The following UBE2L6 variants were observed in gnomAD, a reference collection of about 807,000 sequenced individuals.
UBE2L6 encodes ubiquitin conjugating enzyme E2 L6.
In UBE2L6, 11 loss-of-function variants were observed where a neutral mutation model predicts 13.6. The ratio of observed to expected loss-of-function variants is 0.81; its 90% CI spans 0.51 to 1.34. The LOEUF is 1.34. Among genes scored for constraint, UBE2L6 ranks in the 40% most tolerant of loss-of-function variants. The probability of loss-of-function intolerance (pLI) is 0.00; values close to 1 mark genes in which losing one functional copy is unlikely to be tolerated. For synonymous variants in UBE2L6, 74 were observed against 83.2 expected (o/e 0.89, Z 0.60); for missense variants, 197 against 199.5 (o/e 0.99, Z 0.07).
intron 3 of UBE2L6, among the ~76,000 whole-genome samples, chr11:57,553,001 C>G (rs1454004570): frequency 6.6e-6 from 1 of 152,140 alleles, no homozygotes; most frequent in Non-Finnish European, 1.5e-5. Flanking sequence ...ACAGACAGTT[C>G]CCAGACCCCC....
In UBE2L6 at chr11:57,558,239, C is replaced by T. The variant is rs939801698; in HGVS notation, c.123+2098G>A. Reference sequence around the variant, plus strand: ...GATTATAGGTGCCCACAACCATGCCCAGCTAATTTTTGTATTTTTACTAGA... The same window carrying T: ...GATTATAGGTGCCCACAACCATGCCTAGCTAATTTTTGTATTTTTACTAGA... On this transcript the variant is annotated intron_variant, in intron 2 of 3. Transcript: ENST00000287156. 3.3e-5 allele frequency among the ~76,000 whole-genome samples: 5 copies of T among 152,028 alleles called. No homozygotes were observed. The East Asian group carries it at 9.6e-4, about 29-fold the overall frequency.
rs1038548385 is a variant in UBE2L6, at chr11:57,552,577, AT to A, written c.311-69del. The A allele has an allele frequency of 1.3e-5, 21 of 1,577,610 alleles. No individual in the cohort carries two copies. The African/African-American group carries it at 2.8e-4, about 21-fold the overall frequency. ...AGGGAGTCATGGCTGCCCGTTCCCA[AT>A]GTCCTGACACTCCACACTCACTCCT... On this transcript the variant is annotated intron_variant, in intron 3 of 3. Transcript: ENST00000287156.
chr11:57,555,608 G>A (rs185648353), intron 2 of UBE2L6, among the ~76,000 whole-genome samples: 8 of 152,220 alleles, frequency 5.3e-5, no homozygotes, highest in East Asian at 1.9e-4. Context: ...GCAGGGTCTC[G>A]CTCTGTCACC....
intron 1 of UBE2L6, chr11:57,567,308 G>C: frequency 3.6e-6 from 2 of 561,346 alleles, no homozygotes; most frequent in Non-Finnish European, 6.4e-6. Context: ...TTTCAGGCAG[G>C]AAAAGCGAAA....
chr11:57,554,246 A>G (rs1944980355), intron 3 of UBE2L6, among the ~76,000 whole-genome samples, 191 bp downstream of exon 3: 2 of 152,316 alleles, frequency 1.3e-5, no homozygotes, highest in Admixed American at 6.5e-5. Flanking sequence ...CTGCACAGGT[A>G]TAAGAAGAGA....
chr11:57,567,312 A>G lies in UBE2L6; in HGVS notation c.27+273T>C, dbSNP rs964377953. The G allele has an allele frequency of 5.3e-6, 3 of 564,950 alleles. No individual in the cohort carries two copies. The African/African-American group carries it at 5.6e-5, about 11-fold the overall frequency. 35.0% of individuals were successfully genotyped at this position (564,950 alleles called of 1,614,324 possible). On this transcript the variant is annotated intron_variant, in intron 1 of 3. Transcript: ENST00000287156. ...GTTATCACAAGTTTCAGGCAGGAAA[A>G]GCGAAATTGAAACCAGTTTTGGGGG...
intron 1 of UBE2L6, among the ~76,000 whole-genome samples, chr11:57,560,699 C>A (rs1945036819): frequency 6.6e-6 from 1 of 150,964 alleles, no homozygotes; most frequent in African/African-American, 2.4e-5. Flanking sequence ...CGGCTCCCTG[C>A]AAGCTCCGCC....
chr11:57,554,452 T>G lies in UBE2L6; in HGVS notation c.295A>C (p.Thr99Pro), dbSNP rs1944982083. The G allele has an allele frequency of 6.2e-7, 1 of 1,613,904 alleles. No individual in the cohort carries two copies. The highest frequency in any genetic ancestry group is 8.5e-7 in the Non-Finnish European group (1 of 1,179,892). ...IISSENWKPCTKTCQVLEALN... is the reference protein window; with the variant it reads ...IISSENWKPCPKTCQVLEALN... ...CCAACCCCACCTTGGCAAGTCTTGG[T>G]GCAAGGCTTCCAGTTCTCACTGCTG... Residue 99 changes from threonine (T) to proline (P), a missense_variant, in exon 3 of 4, where the codon ACC becomes CCC. Transcript: ENST00000287156.
chr11:57,557,177 G>A (rs1345612816), intron 2 of UBE2L6, among the ~76,000 whole-genome samples: 9 of 152,062 alleles, frequency 5.9e-5, no homozygotes, highest in African/African-American at 9.7e-5. Flanking sequence ...GAATGGCTCC[G>A]TGGAATGGCT....
At chr11:57,561,614 A>G (rs1173309897) in intron 1 of UBE2L6, among the ~76,000 whole-genome samples, 8 of 152,194 alleles carry the variant, frequency 5.3e-5, no homozygotes, top group Admixed American at 1.3e-4. Context: ...GATGGGAAAC[A>G]TAAGTACAGT....
At chr11:57,567,289 T>C (rs1178890846) in intron 1 of UBE2L6, 1 of 530,874 alleles carries the variant, frequency 1.9e-6, no homozygotes, top group Non-Finnish European at 3.4e-6. Context: ...ACCCAGTTGT[T>C]ATCACAAGTT....
At chr11:57,563,316 CCT>C (rs1945061166) in intron 1 of UBE2L6, among the ~76,000 whole-genome samples, 1 of 151,034 alleles carries the variant, frequency 6.6e-6, no homozygotes, top group African/African-American at 2.4e-5. Context: ...GTGGTGAGGC[CCT>C]GTTTCTACTA....
Position 57,567,605 on chromosome 11 carries a change from C to T in UBE2L6, c.7G>A (p.Ala3Thr), listed in dbSNP as rs770938803. MM[A>T]SMRVVKELED... ...GTTACCTTCACCACTCGCATGCTCG[C>T]CATCATGTCGGGACCGAGTGTGTGG... The change falls in exon 1 of 4, where the codon GCG becomes ACG. Residue 3 changes from alanine (A) to threonine (T), a missense_variant. Coordinates refer to ENST00000287156, the MANE Select transcript of UBE2L6 (RefSeq NM_004223.5). 1.2e-6 allele frequency: 2 copies of T among 1,608,446 alleles called. No homozygotes were observed. Among genetic ancestry groups the T allele is most frequent in the African/African-American group, 2.7e-5 (2 of 74,898 alleles).
chr11:57,560,484 C>A (rs781653026), intron 1 of UBE2L6, 52 bp from the exon 2 acceptor site: 14 of 1,362,618 alleles, frequency 1.0e-5, no homozygotes, highest in Non-Finnish European at 1.3e-5. Flanking sequence ...CTTATTTCAG[C>A]CCCCTCCCCC....
chr11:57,560,146 CAGA>C (rs2135278383), intron 2 of UBE2L6, among the ~76,000 whole-genome samples, 188 bp downstream of exon 2: 1 of 152,292 alleles, frequency 6.6e-6, no homozygotes, highest in South Asian at 2.1e-4. Context: ...GCATCTTTAT[CAGA>C]AGGTGAACCT....
intron 1 of UBE2L6, chr11:57,567,118 T>C: frequency 2.2e-6 from 1 of 458,268 alleles, no homozygotes. Context: ...ATTCCGTGTT[T>C]CTCAGGACTC....
chr11:57,560,470 C>A, intron 1 of UBE2L6, 38 bp from the exon 2 acceptor site: 2 of 1,512,268 alleles, frequency 1.3e-6, no homozygotes, highest in South Asian at 2.2e-5. Context: ...TTGGCCTAGT[C>A]CTCCTTATTT....
intron 2 of UBE2L6, among the ~76,000 whole-genome samples, chr11:57,556,007 C>T (rs1005253501): frequency 1.3e-5 from 2 of 152,206 alleles, no homozygotes. Flanking sequence ...GGGTTGGGAG[C>T]TGCAAGGAGC....
intron 2 of UBE2L6, among the ~76,000 whole-genome samples, chr11:57,558,172 G>A (rs187082966): frequency 1.0e-3 from 158 of 152,150 alleles, no homozygotes; most frequent in African/African-American, 3.2e-3. Flanking sequence ...TCCAACTCCC[G>A]GGTTCAAGTG....
Sources: allele counts gnomAD v4.1 joint callset (sites outside exome capture counted in the v4.1 genomes callset), GRCh38; gene constraint gnomAD v4.1.1; transcripts MANE v1.5; gene names NCBI Gene and HGNC (gene_info 2026-07-23, HGNC 2026-07-21).